Variants in PTPRD observed in about 807,000 individuals in gnomAD.
The protein encoded by PTPRD is receptor-type tyrosine-protein phosphatase delta.
Under a neutral mutation model 214.5 loss-of-function variants are expected in PTPRD, and 34 were observed. That is an observed-to-expected ratio of 0.16 (90% CI 0.12 to 0.21). The LOEUF is 0.21. Ranked by LOEUF, PTPRD falls within the 10% of genes least tolerant of loss-of-function variation. PTPRD has a pLI of 1.00. For synonymous variants in PTPRD, 1,128 were observed against 845.7 expected (o/e 1.33, Z -5.79); for missense variants, 2,545 against 2,398.7 (o/e 1.06, Z -1.27).
intron 11 of PTPRD, among the ~76,000 whole-genome samples, chr9:8,982,242 C>T (rs892569780): frequency 6.6e-6 from 1 of 151,944 alleles, no homozygotes; most frequent in South Asian, 2.1e-4. Context: ...ATTCCAATGG[C>T]TCATTGTAGA....
intron 5 of PTPRD, among the ~76,000 whole-genome samples, chr9:9,796,071 T>G (rs943246877): frequency 6.6e-6 from 1 of 152,166 alleles, no homozygotes; most frequent in African/African-American, 2.4e-5. Flanking sequence ...TTTTTTAATA[T>G]GCAATTTATT....
rs1011656367 is a variant in PTPRD, at chr9:8,547,606, G to A, written c.353-18827C>T. Among the ~76,000 whole-genome samples, 16 of 144,408 alleles carry A rather than the reference G, an allele frequency of 1.1e-4. No homozygotes were observed. The East Asian group carries it at 1.4e-3, about 13-fold the overall frequency. 94.7% of individuals were successfully genotyped at this position (144,408 alleles called of 152,430 possible). Reference sequence around the variant, plus strand: ...TACAGTGAGCCGTGTTCACACCACCGCACTCCAGCCTGCGTGATGAGGTGG... The same window carrying A: ...TACAGTGAGCCGTGTTCACACCACCACACTCCAGCCTGCGTGATGAGGTGG... On this transcript the variant is annotated intron_variant, in intron 14 of 45. Transcript: ENST00000381196.
chr9:9,633,627 CTTA>C (rs1449171452), intron 7 of PTPRD, among the ~76,000 whole-genome samples: 3 of 152,098 alleles, frequency 2.0e-5, no homozygotes, highest in African/African-American at 7.2e-5. Flanking sequence ...TCTGGTTAAT[CTTA>C]TTATTCATGT....
intron 10 of PTPRD, among the ~76,000 whole-genome samples, chr9:9,112,565 A>C (rs776595248): frequency 2.0e-5 from 3 of 152,024 alleles, no homozygotes; most frequent in Non-Finnish European, 4.4e-5. Flanking sequence ...ATTGTAAGGC[A>C]CTCCCTGAAA....
intron 2 of PTPRD, among the ~76,000 whole-genome samples, chr9:10,487,794 C>G (rs992295058): frequency 6.6e-6 from 1 of 151,656 alleles, no homozygotes; most frequent in South Asian, 2.1e-4. Context: ...TGTAACAAAC[C>G]TGCATGTTCT....
chr9:9,060,768 C>T (rs1373857695), intron 10 of PTPRD, among the ~76,000 whole-genome samples: 1 of 152,094 alleles, frequency 6.6e-6, no homozygotes, highest in Admixed American at 6.6e-5. Flanking sequence ...AACCTACTCA[C>T]TATAATGGTT....
intron 11 of PTPRD, among the ~76,000 whole-genome samples, chr9:8,837,101 C>T (rs2097445231): frequency 6.7e-6 from 1 of 150,298 alleles, no homozygotes; most frequent in Non-Finnish European, 1.5e-5. Flanking sequence ...TCTCCGCTCA[C>T]TCCAACCTCC....
chr9:8,681,336 A>T (rs1216479561), intron 12 of PTPRD, among the ~76,000 whole-genome samples: 1 of 152,242 alleles, frequency 6.6e-6, no homozygotes, highest in African/African-American at 2.4e-5. Context: ...AAACTGAGAG[A>T]ACTATAGCTA....
intron 11 of PTPRD, among the ~76,000 whole-genome samples, chr9:8,983,670 G>A (rs2099325370): frequency 6.8e-6 from 1 of 146,562 alleles, no homozygotes; most frequent in African/African-American, 2.4e-5. Context: ...CACCATGCCT[G>A]GCTAATTTTT....
At chr9:10,396,077 G>T (rs180764701) in intron 2 of PTPRD, among the ~76,000 whole-genome samples, 5 of 151,900 alleles carry the variant, frequency 3.3e-5, no homozygotes, top group Admixed American at 1.3e-4. Context: ...CCAATCCTTC[G>T]TGAGCCTGAA....
intron 3 of PTPRD, among the ~76,000 whole-genome samples, chr9:10,056,730 TC>T (rs2097657559): frequency 6.6e-6 from 1 of 151,854 alleles, no homozygotes; most frequent in African/African-American, 2.4e-5. Context: ...CTACCGGGAG[TC>T]ATTGAAAGGA....
intron 2 of PTPRD, among the ~76,000 whole-genome samples, chr9:10,398,369 GTCTATA>G (rs1305963436): frequency 2.0e-5 from 3 of 151,504 alleles, no homozygotes; most frequent in Non-Finnish European, 2.9e-5. Flanking sequence ...CTACAGATAT[GTCTATA>G]TCTATATCTA....
intron 10 of PTPRD, among the ~76,000 whole-genome samples, chr9:9,158,601 AAAATAAATAAAT>A (rs951367963): frequency 6.6e-6 from 1 of 152,034 alleles, no homozygotes; most frequent in Admixed American, 6.6e-5. Flanking sequence ...CTCCATCTCG[AAAATAAATAAAT>A]AAATAAATAA....
At chr9:9,772,555 A>G (rs375569332) in intron 5 of PTPRD, among the ~76,000 whole-genome samples, 1 of 152,154 alleles carries the variant, frequency 6.6e-6, no homozygotes, top group Non-Finnish European at 1.5e-5. Flanking sequence ...CAGTGGACAC[A>G]AGCTTCTCTT....
At chr9:10,014,451 A>T (rs1475107123) in intron 4 of PTPRD, among the ~76,000 whole-genome samples, 1 of 152,036 alleles carries the variant, frequency 6.6e-6, no homozygotes, top group African/African-American at 2.4e-5. Flanking sequence ...GTGCATTTTG[A>T]CTTTGAGAGT....
intron 2 of PTPRD, among the ~76,000 whole-genome samples, chr9:10,357,941 C>G (rs2097307914): frequency 6.6e-6 from 1 of 151,986 alleles, no homozygotes; most frequent in Non-Finnish European, 1.5e-5. Context: ...ATATTCCAAG[C>G]TAAAGCAATA....
chr9:10,266,287 A>AC (rs1384022840), intron 3 of PTPRD, among the ~76,000 whole-genome samples: 3 of 152,202 alleles, frequency 2.0e-5, no homozygotes, highest in Non-Finnish European at 2.9e-5. Context: ...AAAATGAAAA[A>AC]AAAAATTGCA....
intron 37 of PTPRD, among the ~76,000 whole-genome samples, chr9:8,382,202 A>C (rs923741896): frequency 1.3e-5 from 2 of 152,266 alleles, no homozygotes; most frequent in Non-Finnish European, 2.9e-5. Context: ...CAGTACAACT[A>C]TGTTGGGTAT....
intron 7 of PTPRD, among the ~76,000 whole-genome samples, chr9:9,649,521 G>C (rs1390846803): frequency 6.6e-6 from 1 of 152,094 alleles, no homozygotes; most frequent in Non-Finnish European, 1.5e-5. Context: ...AAACAAAAAT[G>C]ATAGATTAGT....
Sources: gnomAD v4.1 joint callset for allele counts (sites outside exome capture counted in the v4.1 genomes callset) on GRCh38, gnomAD v4.1.1 for gene constraint, MANE v1.5 for transcripts, NCBI Gene and HGNC (gene_info 2026-07-23, HGNC 2026-07-21) for gene names.